MARK4: variants seen among roughly 807,000 people sequenced by gnomAD.
MARK4 encodes microtubule affinity regulating kinase 4.
In MARK4, 19 loss-of-function variants were observed where a neutral mutation model predicts 81.5. The ratio of observed to expected loss-of-function variants is 0.23; its 90% CI spans 0.16 to 0.34. The LOEUF (loss-of-function observed/expected upper bound fraction) is 0.34, where lower values mean the gene tolerates loss of function less well. Ranked by LOEUF, MARK4 falls within the 10% of genes least tolerant of loss-of-function variation. MARK4 has a pLI of 1.00. For synonymous variants in MARK4, 436 were observed against 439.0 expected (o/e 0.99, Z 0.08); for missense variants, 772 against 1,058.8 (o/e 0.73, Z 3.76).
At chr19:45,282,910 T>C (rs904195249) in intron 12 of MARK4, among the ~76,000 whole-genome samples, 1 of 152,076 alleles carries the variant, frequency 6.6e-6, no homozygotes, top group Non-Finnish European at 1.5e-5. Flanking sequence ...GAAGACCACT[T>C]GAACCCAGGA....
intron 1 of MARK4, among the ~76,000 whole-genome samples, chr19:45,257,988 CTTTTTTTT>C (rs750146000): frequency 7.6e-6 from 1 of 131,678 alleles, no homozygotes; most frequent in Admixed American, 7.8e-5. Context: ...CATGCCTGGC[CTTTTTTTT>C]TTTTTTTTAG....
At chr19:45,290,780 G>A (rs1970810325) in intron 13 of MARK4, among the ~76,000 whole-genome samples, 1 of 152,234 alleles carries the variant, frequency 6.6e-6, no homozygotes, top group Admixed American at 6.5e-5. Context: ...GGCTAGCTGT[G>A]ACCCTGCCAC....
At position 45,271,588 on chromosome 19, in the gene MARK4, C is replaced by T. The variant is rs141144897; in HGVS notation, c.666C>T (p.Ala222=). The T allele has an allele frequency of 8.7e-4, 1,408 of 1,614,230 alleles. No homozygotes were observed. The highest frequency in any genetic ancestry group is 1.1e-3 in the Non-Finnish European group (1,294 of 1,180,048). Residue 222 remains alanine (A), a synonymous_variant, in exon 8 of 17, where the codon GCC becomes GCT. Coordinates refer to ENST00000262891, the MANE Select transcript of MARK4 (RefSeq NM_001199867.2). This position sits in a 1 kb window ranked among gnomAD's most constrained non-coding sequence, Gnocchi z 4.1. ...LDTFCGSPPY[A]APELFQGKKY... is the part of the protein sequence containing the mutation. ...CGTTCTGCGGGAGCCCCCCATATGC[C>T]GCCCCGGAGCTGTTTCAGGGCAAGA...
chr19:45,254,203 C>T (rs760263700), intron 1 of MARK4, among the ~76,000 whole-genome samples: 2 of 152,164 alleles, frequency 1.3e-5, no homozygotes, highest in Non-Finnish European at 2.9e-5. Flanking sequence ...GGTGTTGGGG[C>T]GCCAGCCGGG....
At chr19:45,263,610 C>T (rs755959962) in intron 4 of MARK4, among the ~76,000 whole-genome samples, 25 of 151,870 alleles carry the variant, frequency 1.6e-4, no homozygotes, top group Non-Finnish European at 2.5e-4. Flanking sequence ...GGCATGGTGG[C>T]GGGCGCCTGT....
At chr19:45,276,068 C>T (rs2123062308) in intron 8 of MARK4, among the ~76,000 whole-genome samples, 1 of 152,248 alleles carries the variant, frequency 6.6e-6, no homozygotes, top group East Asian at 1.9e-4. Context: ...TCTCAGTCAC[C>T]CAGGCTGGAG....
intron 10 of MARK4, among the ~76,000 whole-genome samples, 182 bp downstream of exon 10, chr19:45,278,797 G>T (rs1202855364): frequency 1.3e-5 from 2 of 152,170 alleles, no homozygotes; most frequent in Non-Finnish European, 2.9e-5. Context: ...TAGAGACAGG[G>T]TTTTGCCATG....
intron 15 of MARK4, among the ~76,000 whole-genome samples, chr19:45,299,517 GTC>G (rs371649009): frequency 9.9e-5 from 15 of 152,212 alleles, no homozygotes; most frequent in African/African-American, 2.9e-4. Flanking sequence ...ACGTGCGTGT[GTC>G]TCTCTCTTTC....
intron 7 of MARK4, among the ~76,000 whole-genome samples, chr19:45,269,931 C>T (rs150574195): frequency 2.6e-4 from 39 of 152,160 alleles, no homozygotes; most frequent in African/African-American, 7.9e-4. Flanking sequence ...TCAGCTCACG[C>T]GATTCCTTGC....
chr19:45,292,711 A>G (rs1280673552), intron 13 of MARK4, among the ~76,000 whole-genome samples: 3 of 151,642 alleles, frequency 2.0e-5, no homozygotes, highest in African/African-American at 7.3e-5. Flanking sequence ...TGTCTCTGCC[A>G]AAAATAAAAA....
chr19:45,259,226 C>T, intron 2 of MARK4, 37 bp downstream of exon 2: 5 of 1,606,294 alleles, frequency 3.1e-6, no homozygotes, highest in Non-Finnish European at 4.2e-6. Context: ...GGGGCAGGTC[C>T]CTGTGGGACC....
intron 2 of MARK4, among the ~76,000 whole-genome samples, chr19:45,261,737 C>A (rs1188756126): frequency 6.6e-6 from 1 of 152,130 alleles, no homozygotes; most frequent in Non-Finnish European, 1.5e-5. Context: ...CGTTCAAGAC[C>A]AGCTTGGCCA....
At chr19:45,264,124 G>A (rs1970418014) in intron 4 of MARK4, among the ~76,000 whole-genome samples, 1 of 152,138 alleles carries the variant, frequency 6.6e-6, no homozygotes, top group Non-Finnish European at 1.5e-5. Context: ...TGGCCGCTAT[G>A]TGCCAGACCC....
chr19:45,263,863 G>A (rs1970413526), intron 4 of MARK4, among the ~76,000 whole-genome samples: 1 of 151,710 alleles, frequency 6.6e-6, no homozygotes, highest in Non-Finnish European at 1.5e-5. Context: ...GAGTAGGGGT[G>A]ATAAGAGGGC....
At chr19:45,277,356 G>A (rs899316364) in intron 8 of MARK4, among the ~76,000 whole-genome samples, 1 of 152,054 alleles carries the variant, frequency 6.6e-6, no homozygotes, top group African/African-American at 2.4e-5. Context: ...GGGATTACAG[G>A]TGTGAGCCAC....
At chr19:45,254,911 T>C (rs1452669641) in intron 1 of MARK4, among the ~76,000 whole-genome samples, 3 of 152,186 alleles carry the variant, frequency 2.0e-5, no homozygotes, top group Non-Finnish European at 4.4e-5. Context: ...TTTGTAGAAA[T>C]GGTTCATGAC....
chr19:45,271,552 G>A lies in MARK4; in HGVS notation c.630G>A (p.Ser210=), dbSNP rs749935807. The A allele has an allele frequency of 1.6e-4, 253 of 1,614,220 alleles. 1 individual carries two copies. The South Asian group carries it at 1.8e-3, about 12-fold the overall frequency. The change falls in exon 8 of 17, where the codon TCG becomes TCA. Residue 210 remains serine, a synonymous_variant. Transcript: ENST00000262891. The surrounding 1 kb of genome is among the most constrained non-coding windows in gnomAD (Gnocchi z 4.1). ...TCAGCAACGAGTTCACGCTGGGATC[G>A]AAGCTGGACACGTTCTGCGGGAGCC... The part of the protein sequence containing the change: ...FGFSNEFTLG[S]KLDTFCGSPP...
chr19:45,257,161 T>G (rs542048597), intron 1 of MARK4, among the ~76,000 whole-genome samples: 34 of 151,894 alleles, frequency 2.2e-4, no homozygotes, highest in Non-Finnish European at 4.6e-4. Flanking sequence ...GGTGTCTCGC[T>G]TCATTGCCCA....
intron 7 of MARK4, among the ~76,000 whole-genome samples, chr19:45,270,403 G>A (rs969906959): frequency 5.9e-5 from 9 of 152,110 alleles, no homozygotes; most frequent in Non-Finnish European, 1.3e-4. Flanking sequence ...AGAGCCCAGT[G>A]CATGGTAGAT....
Sources: allele counts gnomAD v4.1 joint callset (sites outside exome capture counted in the v4.1 genomes callset), GRCh38; gene constraint gnomAD v4.1.1; non-coding constraint Gnocchi (gnomAD v3.1); transcripts MANE v1.5; gene names NCBI Gene and HGNC (gene_info 2026-07-23, HGNC 2026-07-21).